The following PTPN12 variants were observed in gnomAD, a reference collection of about 807,000 sequenced individuals.
PTPN12 encodes the protein tyrosine-protein phosphatase non-receptor type 12.
In PTPN12, 29 loss-of-function variants were observed where a neutral mutation model predicts 97.6. That is an observed-to-expected ratio of 0.30 (90% CI 0.22 to 0.41). PTPN12 has a LOEUF of 0.41. Ranked by LOEUF, PTPN12 falls within the 10% of genes least tolerant of loss-of-function variation. The probability of loss-of-function intolerance (pLI) is 1.00; values close to 1 mark genes in which losing one functional copy is unlikely to be tolerated. For missense variants in PTPN12, 819 were observed against 926.0 expected (o/e 0.88, Z 1.50); for synonymous variants, 327 against 300.4 (o/e 1.09, Z -0.91).
chr7:77,554,233 G>C (rs1208654870), intron 1 of PTPN12, among the ~76,000 whole-genome samples: 1 of 152,140 alleles, frequency 6.6e-6, no homozygotes, highest in East Asian at 1.9e-4. Flanking sequence ...CCAAAGTATT[G>C]GGATTATAGG....
chr7:77,637,944 AATTTTTTT>A (rs1328522345), intron 16 of PTPN12, among the ~76,000 whole-genome samples: 9 of 89,504 alleles, frequency 1.0e-4, no homozygotes, highest in African/African-American at 4.4e-4. Flanking sequence ...GATTTCTTAA[AATTTTTTT>A]TTTTTTTTTT....
At chr7:77,632,467 T>G in intron 14 of PTPN12, 42 bp downstream of exon 14, 1 of 1,434,934 alleles carries the variant, frequency 7.0e-7, no homozygotes, top group African/African-American at 1.4e-5. Context: ...CATATTCTAA[T>G]AATAAACTCC....
intron 1 of PTPN12, among the ~76,000 whole-genome samples, chr7:77,545,294 A>G (rs1369864246): frequency 6.6e-6 from 1 of 152,130 alleles, no homozygotes; most frequent in Non-Finnish European, 1.5e-5. Flanking sequence ...TCCATTCAAC[A>G]CATCATACTC....
intron 1 of PTPN12, among the ~76,000 whole-genome samples, chr7:77,539,210 G>A (rs1468468825): frequency 1.3e-5 from 2 of 152,120 alleles, no homozygotes; most frequent in African/African-American, 2.4e-5. Context: ...ACCATACACA[G>A]TATTATACTA....
At chr7:77,546,693 C>T (rs189983062) in intron 1 of PTPN12, among the ~76,000 whole-genome samples, 40 of 152,186 alleles carry the variant, frequency 2.6e-4, no homozygotes, top group South Asian at 1.2e-3. Context: ...AAGAACTGCC[C>T]GAGACTGGGT....
rs920864038 is a variant in PTPN12 at position 77,634,087 on chromosome 7, C to T, written c.2074+1662C>T. On this transcript the variant is annotated intron_variant, in intron 14 of 17. Coordinates refer to ENST00000248594, the MANE Select transcript of PTPN12 (RefSeq NM_002835.4). Reference sequence around the variant, plus strand: ...TGGTGGCATGTGCCTGTAGTCCTTGCTACTCAGGAGGCTGAAGAAGAAGGA... The same window carrying T: ...TGGTGGCATGTGCCTGTAGTCCTTGTTACTCAGGAGGCTGAAGAAGAAGGA... 5.9e-5 allele frequency among the ~76,000 whole-genome samples: 9 copies of T among 151,946 alleles called. 1 individual carries two copies. Among genetic ancestry groups the T allele is most frequent in the African/African-American group, 2.2e-4 (9 of 41,374 alleles).
chr7:77,627,398 A>G lies in PTPN12; in HGVS notation c.1719A>G (p.Thr573=). Reference sequence around the variant, plus strand: ...CTGTGAGTTTAACACCAAGTCCTACAACACAAGTTGAAACACCTGATCTTG... The same window carrying G: ...CTGTGAGTTTAACACCAAGTCCTACGACACAAGTTGAAACACCTGATCTTG... ...RKTVSLTPSP[T]TQVETPDLVD... is the part of the protein sequence containing the mutation. Residue 573 remains threonine, a synonymous_variant, in exon 13 of 18, where the codon ACA becomes ACG. Transcript: ENST00000248594. The G allele has an allele frequency of 5.0e-6, 8 of 1,614,152 alleles. No homozygotes were observed. The highest frequency in any genetic ancestry group is 6.8e-6 in the Non-Finnish European group (8 of 1,179,982).
chr7:77,572,560 A>G (rs1182724545), intron 2 of PTPN12, among the ~76,000 whole-genome samples: 2 of 152,014 alleles, frequency 1.3e-5, no homozygotes, highest in Admixed American at 1.3e-4. Flanking sequence ...CTACATTATT[A>G]TCAGCTGTGG....
In PTPN12 at chr7:77,610,763, A is replaced by G; in HGVS notation, c.763-2A>G. The G allele has an allele frequency of 6.3e-7, 1 of 1,591,220 alleles. No individual in the cohort carries two copies. The highest frequency in any genetic ancestry group is 8.5e-7 in the Non-Finnish European group (1 of 1,172,622). The stretch of plus-strand genomic sequence containing the variant: ...GTTGATGTATTAAATTTTCTGTTTT[A>G]GAAAATACCAGAGGAATTTAATGTA... On this transcript the variant is annotated splice_acceptor_variant, in intron 9 of 17. Coordinates refer to ENST00000248594, the MANE Select transcript of PTPN12 (RefSeq NM_002835.4). LOFTEE classifies it high-confidence loss of function.
intron 14 of PTPN12, among the ~76,000 whole-genome samples, chr7:77,634,736 C>G (rs1009866211): frequency 6.6e-6 from 1 of 152,020 alleles, no homozygotes; most frequent in Non-Finnish European, 1.5e-5. Context: ...CCACCACGCC[C>G]GGCTAATTTT....
intron 6 of PTPN12, among the ~76,000 whole-genome samples, chr7:77,593,644 C>A (rs959959675): frequency 2.0e-5 from 3 of 152,190 alleles, no homozygotes; most frequent in Non-Finnish European, 4.4e-5. Context: ...TGTATTCAGG[C>A]CTTCAACAGA....
intron 2 of PTPN12, among the ~76,000 whole-genome samples, chr7:77,571,647 T>A (rs1787143205): frequency 6.6e-6 from 1 of 152,206 alleles, no homozygotes; most frequent in Non-Finnish European, 1.5e-5. Context: ...TCTGAATATG[T>A]GCCTCTAAGT....
At chr7:77,637,867 A>AAAC (rs1554329995) in intron 16 of PTPN12, among the ~76,000 whole-genome samples, 1 of 151,026 alleles carries the variant, frequency 6.6e-6, no homozygotes, top group East Asian at 1.9e-4. Flanking sequence ...CAAAAAAAAA[A>AAAC]AAAAAAAAAC....
At chr7:77,564,948 G>T (rs557450833) in intron 1 of PTPN12, among the ~76,000 whole-genome samples, 1 of 143,320 alleles carries the variant, frequency 7.0e-6, no homozygotes, top group South Asian at 2.1e-4. Context: ...AGTAGAGATG[G>T]GGTTTCACCA....
rs187558217 is a variant in PTPN12, at chr7:77,599,253, A to G, written c.552+1352A>G. Among the ~76,000 whole-genome samples the G allele has an allele frequency of 3.2e-3, 482 of 151,270 alleles. 6 individuals are homozygous for G. The highest frequency in any genetic ancestry group is 0.011 in the African/African-American group (446 of 41,178). Reference sequence around the variant, plus strand: ...TACAATTTGTTAAAGAAAAGTCACTATCAAAGCTAAGTCTTCATTTAGATA... The same window carrying G: ...TACAATTTGTTAAAGAAAAGTCACTGTCAAAGCTAAGTCTTCATTTAGATA... On this transcript the variant is annotated intron_variant, in intron 7 of 17. Transcript: ENST00000248594.
At chr7:77,577,345 G>A (rs912274530) in intron 2 of PTPN12, among the ~76,000 whole-genome samples, 5 of 152,206 alleles carry the variant, frequency 3.3e-5, no homozygotes, top group Non-Finnish European at 2.9e-5. Flanking sequence ...TGGGTGTGTG[G>A]TGAGGATAAA....
At chr7:77,585,444 C>T in intron 4 of PTPN12, 99 bp from the exon 5 acceptor site, 1 of 1,024,778 alleles carries the variant, frequency 9.8e-7, no homozygotes, top group Non-Finnish European at 1.5e-6. Context: ...GCCAATTATA[C>T]TTCTCGGTGC....
chr7:77,553,357 G>A (rs1807563211), intron 1 of PTPN12, among the ~76,000 whole-genome samples: 1 of 152,152 alleles, frequency 6.6e-6, no homozygotes, highest in Admixed American at 6.5e-5. Flanking sequence ...TTTCCTGCTT[G>A]CTTGATCTGT....
intron 1 of PTPN12, among the ~76,000 whole-genome samples, chr7:77,545,964 G>C (rs1189500303): frequency 6.6e-6 from 1 of 151,976 alleles, no homozygotes; most frequent in African/African-American, 2.4e-5. Context: ...ACAAAGTCTT[G>C]CTTTGTTGCC....
Sources: allele counts gnomAD v4.1 joint callset (sites outside exome capture counted in the v4.1 genomes callset), GRCh38; gene constraint gnomAD v4.1.1; transcripts MANE v1.5; gene names NCBI Gene and HGNC (gene_info 2026-07-23, HGNC 2026-07-21).